The following EFNA5 variants were observed in gnomAD, a reference collection of about 807,000 sequenced individuals.
The protein encoded by EFNA5 is ephrin-A5.
EFNA5 carries 5 observed loss-of-function variants against 22.9 expected under a neutral mutation model. The ratio of observed to expected loss-of-function variants is 0.22; its 90% CI spans 0.11 to 0.46. The LOEUF is 0.46. Among genes scored for constraint, EFNA5 ranks in the 20% least tolerant of loss-of-function variants. The pLI is 0.99. For synonymous variants in EFNA5, 113 were observed against 112.2 expected, an observed-to-expected ratio of 1.01 and a Z score of -0.04; for missense variants, 237 against 293.3, an observed-to-expected ratio of 0.81 and a Z score of 1.40.
intron 1 of EFNA5, among the ~76,000 whole-genome samples, chr5:107,472,471 A>C (rs1348715579): frequency 1.3e-5 from 2 of 152,228 alleles, no homozygotes; most frequent in African/African-American, 4.8e-5. Context: ...TCTACTCAGA[A>C]TTTAAATGAG....
At chr5:107,639,467 A>G (rs997129331) in intron 1 of EFNA5, among the ~76,000 whole-genome samples, 1 of 152,230 alleles carries the variant, frequency 6.6e-6, no homozygotes, top group African/African-American at 2.4e-5. Flanking sequence ...CAAAATGAAG[A>G]TGGCAGTAAT....
chr5:107,616,271 G>A (rs1232455003), intron 1 of EFNA5, among the ~76,000 whole-genome samples: 1 of 152,138 alleles, frequency 6.6e-6, no homozygotes, highest in East Asian at 1.9e-4. Flanking sequence ...TGATTCCAAA[G>A]GGGAAAAGAT....
chr5:107,401,082 A>C (rs1203713947), intron 2 of EFNA5, among the ~76,000 whole-genome samples: 1 of 152,222 alleles, frequency 6.6e-6, no homozygotes, highest in Non-Finnish European at 1.5e-5. Context: ...GCAGAATGGA[A>C]AAAAGGATAA....
At chr5:107,625,444 T>C (rs1225119123) in intron 1 of EFNA5, among the ~76,000 whole-genome samples, 1 of 152,174 alleles carries the variant, frequency 6.6e-6, no homozygotes, top group Non-Finnish European at 1.5e-5. Flanking sequence ...GCATGCCTTG[T>C]TGATTATTTT....
intron 1 of EFNA5, among the ~76,000 whole-genome samples, chr5:107,555,787 C>T (rs1379363021): frequency 6.6e-6 from 1 of 152,188 alleles, no homozygotes; most frequent in Non-Finnish European, 1.5e-5. Context: ...TGCAAATCTC[C>T]ATTTCAAGAA....
intron 1 of EFNA5, among the ~76,000 whole-genome samples, chr5:107,617,385 G>A (rs769439249): frequency 7.2e-5 from 11 of 152,054 alleles, no homozygotes; most frequent in Admixed American, 1.3e-4. Context: ...GCTGGTCACT[G>A]TTTTAAAAAC....
intron 1 of EFNA5, among the ~76,000 whole-genome samples, chr5:107,475,170 A>G (rs1336029018): frequency 1.3e-5 from 2 of 152,236 alleles, no homozygotes; most frequent in Non-Finnish European, 2.9e-5. Context: ...CACAGTGAAT[A>G]AACAATCCTT....
chr5:107,440,000 G>A (rs1010357476), intron 1 of EFNA5, among the ~76,000 whole-genome samples: 8 of 152,116 alleles, frequency 5.3e-5, no homozygotes, highest in Non-Finnish European at 1.2e-4. Flanking sequence ...TTTAGACTGG[G>A]GAACAAAGGT....
chr5:107,467,856 A>G (rs749395006), intron 1 of EFNA5, among the ~76,000 whole-genome samples: 27 of 152,210 alleles, frequency 1.8e-4, no homozygotes, highest in Non-Finnish European at 3.1e-4. Context: ...TTTGCACAGC[A>G]AATCAAAAAT....
At chr5:107,439,369 G>T (rs1245348400) in intron 1 of EFNA5, among the ~76,000 whole-genome samples, 2 of 152,162 alleles carry the variant, frequency 1.3e-5, no homozygotes, top group Non-Finnish European at 2.9e-5. Context: ...AAGCCACAGG[G>T]TCTATGGTAG....
intron 1 of EFNA5, among the ~76,000 whole-genome samples, chr5:107,619,046 C>T (rs1351590954): frequency 9.9e-5 from 15 of 151,888 alleles, no homozygotes; most frequent in African/African-American, 2.9e-4. Flanking sequence ...CTCAGCCTCC[C>T]GAGTAGCTGG....
At chr5:107,529,513 A>G (rs1561423317) in intron 1 of EFNA5, among the ~76,000 whole-genome samples, 1 of 152,180 alleles carries the variant, frequency 6.6e-6, no homozygotes, top group Non-Finnish European at 1.5e-5. Context: ...CAATCTGGAA[A>G]TGCATGGGAT....
intron 1 of EFNA5, among the ~76,000 whole-genome samples, chr5:107,634,966 A>G (rs768771834): frequency 2.0e-4 from 31 of 152,250 alleles, no homozygotes; most frequent in Non-Finnish European, 3.8e-4. Flanking sequence ...ACGTCAAATG[A>G]TAGTCAACTT....
chr5:107,487,528 A>T (rs1338142834), intron 1 of EFNA5, among the ~76,000 whole-genome samples: 1 of 152,248 alleles, frequency 6.6e-6, no homozygotes, highest in Non-Finnish European at 1.5e-5. Flanking sequence ...TGAGAGTATT[A>T]GGCAGATGAC....
chr5:107,625,356 A>G (rs1451048907), intron 1 of EFNA5, among the ~76,000 whole-genome samples: 5 of 152,082 alleles, frequency 3.3e-5, no homozygotes, highest in Non-Finnish European at 7.4e-5. Context: ...ATGATTATTG[A>G]ATTCAATCAC....
chr5:107,395,054 C>T (rs1233954057), intron 2 of EFNA5, among the ~76,000 whole-genome samples: 25 of 8,412 alleles, frequency 3.0e-3, no homozygotes, highest in African/African-American at 8.7e-3. Context: ...TTTTTTTTTC[C>T]GCGAGACAGT....
intron 2 of EFNA5, among the ~76,000 whole-genome samples, chr5:107,401,656 T>C (rs1748087143): frequency 6.6e-6 from 1 of 152,148 alleles, no homozygotes; most frequent in South Asian, 2.1e-4. Context: ...CACAGGGCTG[T>C]AGGAAGATGA....
chr5:107,636,335 G>C (rs772088804), intron 1 of EFNA5, among the ~76,000 whole-genome samples: 3 of 152,170 alleles, frequency 2.0e-5, no homozygotes, highest in Non-Finnish European at 2.9e-5. Context: ...TTCCTGCCCA[G>C]CTTGCCTGCA....
intron 1 of EFNA5, among the ~76,000 whole-genome samples, chr5:107,442,551 G>C (rs977963105): frequency 1.3e-5 from 2 of 152,148 alleles, no homozygotes; most frequent in Non-Finnish European, 2.9e-5. Flanking sequence ...AAGTTGAGCT[G>C]ATTGTATTAT....
Sources: allele counts gnomAD v4.1 joint callset (sites outside exome capture counted in the v4.1 genomes callset), GRCh38; gene constraint gnomAD v4.1.1; transcripts MANE v1.5; gene names NCBI Gene and HGNC (gene_info 2026-07-23, HGNC 2026-07-21).